SOX5: variants seen among roughly 807,000 people sequenced by gnomAD.
SOX5 encodes the protein transcription factor SOX-5.
Under a neutral mutation model 92.0 loss-of-function variants are expected in SOX5, and 9 were observed. The ratio of observed to expected loss-of-function variants is 0.10; its 90% CI spans 0.06 to 0.17. The LOEUF is 0.17. Ranked by LOEUF, SOX5 falls within the 10% of genes least tolerant of loss-of-function variation. SOX5 has a pLI of 1.00. For missense variants in SOX5, 642 were observed against 944.5 expected, an observed-to-expected ratio of 0.68 and a Z score of 4.20; for synonymous variants, 344 against 336.3, an observed-to-expected ratio of 1.02 and a Z score of -0.25.
chr12:23,717,126 C>T (rs542267413), intron 6 of SOX5, among the ~76,000 whole-genome samples: 2 of 152,322 alleles, frequency 1.3e-5, no homozygotes, highest in African/African-American at 2.4e-5. Flanking sequence ...CTTTCTCCCA[C>T]AGGATTCCGA....
chr12:23,535,420 T>G (rs2135870699), intron 14 of SOX5, among the ~76,000 whole-genome samples: 1 of 152,302 alleles, frequency 6.6e-6, no homozygotes, highest in South Asian at 2.1e-4. Flanking sequence ...CCATACTTGG[T>G]TTAAAGTTGT....
At chr12:24,366,621 AC>A (rs1267254533) in intron 2 of SOX5, among the ~76,000 whole-genome samples, 9 of 152,156 alleles carry the variant, frequency 5.9e-5, no homozygotes, top group African/African-American at 2.2e-4. Context: ...GCACATGCAC[AC>A]ACATTCATAC....
chr12:24,353,675 C>G (rs986207691), intron 2 of SOX5, among the ~76,000 whole-genome samples: 36 of 152,072 alleles, frequency 2.4e-4, no homozygotes, highest in African/African-American at 8.4e-4. Flanking sequence ...GAGTCTTGCT[C>G]TGTCACCCAG....
At chr12:24,206,353 C>A (rs188468335) in intron 4 of SOX5, among the ~76,000 whole-genome samples, 1 of 152,236 alleles carries the variant, frequency 6.6e-6, no homozygotes, top group East Asian at 1.9e-4. Context: ...AATGGCAGGG[C>A]GTCTGTTAGC....
intron 4 of SOX5, among the ~76,000 whole-genome samples, chr12:23,979,245 A>C (rs1949244268): frequency 6.6e-6 from 1 of 152,094 alleles, no homozygotes. Flanking sequence ...TGTCTTTGAG[A>C]CAGAGTCTTA....
chr12:24,327,859 C>T (rs1160969769), intron 2 of SOX5, among the ~76,000 whole-genome samples: 2 of 150,908 alleles, frequency 1.3e-5, no homozygotes, highest in East Asian at 1.9e-4. Context: ...CCCATAATTT[C>T]GTATTTTTTT....
intron 13 of SOX5, among the ~76,000 whole-genome samples, chr12:23,539,240 C>CTGTT (rs1350243526): frequency 6.6e-6 from 1 of 152,112 alleles, no homozygotes; most frequent in African/African-American, 2.4e-5. Context: ...AATGCGAGAG[C>CTGTT]TGTTTGTTTG....
chr12:23,821,410 C>T (rs958177361), intron 3 of SOX5, among the ~76,000 whole-genome samples: 46 of 152,180 alleles, frequency 3.0e-4, no homozygotes, highest in African/African-American at 1.1e-3. Flanking sequence ...TTTGAATACG[C>T]TTTATTTCTT....
At chr12:23,869,217 C>A (rs545092218) in intron 2 of SOX5, among the ~76,000 whole-genome samples, 1 of 152,280 alleles carries the variant, frequency 6.6e-6, no homozygotes, top group East Asian at 1.9e-4. Context: ...GTACACTCTT[C>A]ATCAAATACA....
chr12:24,094,522 G>A (rs1006072217), intron 4 of SOX5, among the ~76,000 whole-genome samples: 2 of 142,534 alleles, frequency 1.4e-5, no homozygotes, highest in Non-Finnish European at 3.0e-5. Context: ...TTTACAAAAT[G>A]CCAGATTTAC....
intron 3 of SOX5, among the ~76,000 whole-genome samples, chr12:24,246,508 T>A (rs767292350): frequency 6.6e-6 from 1 of 152,228 alleles, no homozygotes; most frequent in African/African-American, 2.4e-5. Context: ...TTTTTTTTTT[T>A]AATTCTGAAA....
intron 3 of SOX5, among the ~76,000 whole-genome samples, chr12:23,783,984 G>A (rs1272537047): frequency 2.0e-5 from 3 of 152,118 alleles, no homozygotes; most frequent in Non-Finnish European, 4.4e-5. Context: ...TTGTGACACC[G>A]TTATTCTACT....
At chr12:24,524,308 C>T (rs1950502278) in intron 1 of SOX5, among the ~76,000 whole-genome samples, 1 of 152,096 alleles carries the variant, frequency 6.6e-6, no homozygotes, top group African/African-American at 2.4e-5. Context: ...TCCTCCATAC[C>T]CATGAGCCAA....
At chr12:24,238,927 G>A (rs186569691) in intron 3 of SOX5, among the ~76,000 whole-genome samples, 10 of 152,230 alleles carry the variant, frequency 6.6e-5, no homozygotes, top group Admixed American at 4.6e-4. Flanking sequence ...CTCTCCCAAC[G>A]TTGTTTTATT....
At chr12:24,486,239 C>G (rs1946510312) in intron 1 of SOX5, among the ~76,000 whole-genome samples, 1 of 152,152 alleles carries the variant, frequency 6.6e-6, no homozygotes. Context: ...ACCTGGCCCC[C>G]TATGCCTTCA....
intron 3 of SOX5, among the ~76,000 whole-genome samples, chr12:23,828,491 C>T (rs930589788): frequency 6.6e-6 from 1 of 152,126 alleles, no homozygotes; most frequent in Non-Finnish European, 1.5e-5. Flanking sequence ...TTAGAATTTA[C>T]CTTATTTATG....
At chr12:24,255,665 C>A (rs1941031045) in intron 3 of SOX5, among the ~76,000 whole-genome samples, 1 of 151,938 alleles carries the variant, frequency 6.6e-6, no homozygotes, top group African/African-American at 2.4e-5. Flanking sequence ...GGCTTCTCGA[C>A]TCGGAAAAAA....
At chr12:24,027,037 C>T (rs1954967295) in intron 4 of SOX5, among the ~76,000 whole-genome samples, 2 of 151,946 alleles carry the variant, frequency 1.3e-5, no homozygotes, top group Admixed American at 1.3e-4. Context: ...AATTCCAATC[C>T]ACTAAAACTG....
At chr12:24,546,780 A>G (rs914052927) in intron 1 of SOX5, among the ~76,000 whole-genome samples, 8 of 152,222 alleles carry the variant, frequency 5.3e-5, no homozygotes, top group African/African-American at 1.7e-4. Context: ...ACAACTGTAA[A>G]TTCTACCAGT....
Sources: allele counts gnomAD v4.1 joint callset (sites outside exome capture counted in the v4.1 genomes callset), GRCh38; gene constraint gnomAD v4.1.1; transcripts MANE v1.5; gene names NCBI Gene and HGNC (gene_info 2026-07-23, HGNC 2026-07-21).